Variants in NLGN4X observed in about 807,000 individuals in gnomAD.
NLGN4X encodes neuroligin-4, X-linked.
A neutral mutation model predicts 40.3 loss-of-function variants in NLGN4X; 3 were observed. The ratio of observed to expected loss-of-function variants is 0.07; its 90% confidence interval spans 0.03 to 0.19. The LOEUF (loss-of-function observed/expected upper bound fraction) is 0.19, where lower values mean the gene tolerates loss of function less well. Ranked by LOEUF, NLGN4X falls within the 10% of genes least tolerant of loss-of-function variation. The pLI, the probability that NLGN4X is intolerant of heterozygous loss-of-function variation, is 1.00. For missense variants in NLGN4X, 382 were observed against 708.3 expected (o/e 0.54, Z 5.23); for synonymous variants, 270 against 306.8 (o/e 0.88, Z 1.25).
intron 2 of NLGN4X, among the ~76,000 whole-genome samples, chrX:6,111,129 A>G (rs2039139177): frequency 8.9e-6 from 1 of 112,226 alleles, no homozygotes; most frequent in Non-Finnish European, 1.9e-5. Context: ...TATTTCAGTG[A>G]AAGTAAAAAT....
At chrX:6,193,665 G>C (rs1209079192) in intron 1 of NLGN4X, among the ~76,000 whole-genome samples, 1 of 111,175 alleles carries the variant, frequency 9.0e-6, no homozygotes, top group African/African-American at 3.3e-5. Flanking sequence ...TAGTCTAGTG[G>C]GAGCACCTAC....
intron 3 of NLGN4X, among the ~76,000 whole-genome samples, chrX:5,971,108 T>C (rs1046286882): frequency 8.0e-5 from 9 of 112,302 alleles, no homozygotes; most frequent in African/African-American, 2.6e-4. Context: ...CTAATAATTA[T>C]TGGAAATACA....
intron 1 of NLGN4X, among the ~76,000 whole-genome samples, chrX:6,174,361 T>G (rs1032836152): frequency 8.9e-6 from 1 of 112,082 alleles, no homozygotes; most frequent in African/African-American, 3.2e-5. Flanking sequence ...CTGTGGAAAG[T>G]AGTTTGGAGA....
chrX:5,964,863 G>C (rs754281803), intron 3 of NLGN4X, among the ~76,000 whole-genome samples: 1 of 112,211 alleles, frequency 8.9e-6, no homozygotes, highest in East Asian at 2.8e-4. Context: ...AGATACAAGA[G>C]ATAGCTCCTA....
chrX:6,227,944 T>C (rs1399867486), intron 1 of NLGN4X: 1 of 87,501 alleles, frequency 1.1e-5, no homozygotes, highest in Non-Finnish European at 2.2e-5. Flanking sequence ...AGCTGACAGT[T>C]TTCTTAAAGA....
intron 3 of NLGN4X, among the ~76,000 whole-genome samples, chrX:5,944,406 G>C (rs1208303468): frequency 4.5e-5 from 5 of 110,446 alleles, no homozygotes; most frequent in African/African-American, 1.7e-4. Context: ...CAGCACTTTG[G>C]GAAGTCAAGG....
chrX:6,078,920 T>G (rs1331897776), intron 2 of NLGN4X, among the ~76,000 whole-genome samples: 2 of 111,354 alleles, frequency 1.8e-5, no homozygotes, highest in African/African-American at 6.6e-5. Context: ...GTTCTCATGA[T>G]AGCGAGTGAG....
chrX:6,214,632 G>A (rs745837553), intron 1 of NLGN4X, among the ~76,000 whole-genome samples: 176 of 111,428 alleles, frequency 1.6e-3, no homozygotes, highest in Non-Finnish European at 2.8e-3. Flanking sequence ...GCGGTGGCTC[G>A]CACCAGTAAT....
intron 1 of NLGN4X, among the ~76,000 whole-genome samples, chrX:6,156,180 A>G (rs1332757493): frequency 2.7e-5 from 3 of 112,417 alleles, no homozygotes; most frequent in African/African-American, 9.7e-5. Context: ...AATAAAGAAA[A>G]TGTGATGCGT....
chrX:6,156,378 G>A (rs760481128), intron 1 of NLGN4X, among the ~76,000 whole-genome samples: 78 of 110,808 alleles, frequency 7.0e-4, no homozygotes, highest in African/African-American at 2.4e-3. Flanking sequence ...GCGTGGTGGC[G>A]GGCACCTGTA....
chrX:6,071,921 G>A lies in NLGN4X; in HGVS notation c.473-42489C>T, dbSNP rs1026775963. On this transcript the variant is annotated intron_variant, in intron 2 of 5. Transcript: ENST00000381095. Reference sequence around the variant, plus strand: ...TAAATTCAGTGCCATGGAGTGCTACGACTACAGGTGTCAGCCACCATGCCC... The same window carrying A: ...TAAATTCAGTGCCATGGAGTGCTACAACTACAGGTGTCAGCCACCATGCCC... Among the ~76,000 whole-genome samples the A allele has an allele frequency of 3.6e-5, 4 of 111,001 alleles. No individual in the cohort carries two copies. In the East Asian group the frequency reaches 8.6e-4, roughly 24 times the overall value.
At chrX:6,030,643 G>A (rs1222417537) in intron 2 of NLGN4X, among the ~76,000 whole-genome samples, 1 of 110,610 alleles carries the variant, frequency 9.0e-6, no homozygotes, top group African/African-American at 3.3e-5. Context: ...CAGAAGACAC[G>A]ACATACCCAT....
chrX:6,013,097 AC>A (rs1444601447), intron 3 of NLGN4X, among the ~76,000 whole-genome samples: 1 of 111,545 alleles, frequency 9.0e-6, no homozygotes, highest in Non-Finnish European at 1.9e-5. Flanking sequence ...AAAAAATTCT[AC>A]CGTAGAGCTC....
chrX:6,165,419 C>A (rs2040476620), intron 1 of NLGN4X, among the ~76,000 whole-genome samples: 1 of 111,843 alleles, frequency 8.9e-6, no homozygotes. Flanking sequence ...TCAAAGGCAA[C>A]TATCTCCTAA....
chrX:5,892,928 G>A lies in NLGN4X; in HGVS notation c.2340C>T (p.Thr780=), dbSNP rs750889869. The A allele has an allele frequency of 8.3e-6, 10 of 1,209,444 alleles. No individual in the cohort carries two copies. The highest frequency in any genetic ancestry group is 1.1e-5 in the Non-Finnish European group (10 of 895,184). Residue 780 remains threonine, a synonymous_variant, in exon 6 of 6, where the codon ACC becomes ACT. Transcript: ENST00000381095. ...TCCCCGTCAGTGTGTTTGGAATCAT[G>A]GTGATGGTGTTTGGCGTCATAAGTG... ...DIPLMTPNTI[T]MIPNTLTGMQ...
At chrX:6,009,980 G>C (rs770083144) in intron 3 of NLGN4X, among the ~76,000 whole-genome samples, 5 of 112,069 alleles carry the variant, frequency 4.5e-5, no homozygotes, top group Non-Finnish European at 9.4e-5. Context: ...ATTTGAATTT[G>C]AGACTCAATT....
chrX:6,180,854 A>G (rs1209623588), intron 1 of NLGN4X, among the ~76,000 whole-genome samples: 1 of 111,036 alleles, frequency 9.0e-6, no homozygotes, highest in African/African-American at 3.3e-5. Flanking sequence ...TTATTTTCAA[A>G]GCATTACCCT....
At chrX:6,196,860 C>G (rs1923139464) in intron 1 of NLGN4X, among the ~76,000 whole-genome samples, 1 of 111,716 alleles carries the variant, frequency 9.0e-6, no homozygotes, top group Admixed American at 9.5e-5. Flanking sequence ...GGGGTACTCA[C>G]AACACAGCAT....
intron 2 of NLGN4X, among the ~76,000 whole-genome samples, chrX:6,049,747 C>A (rs1771291133): frequency 1.6e-5 from 1 of 61,751 alleles, no homozygotes; most frequent in Non-Finnish European, 3.3e-5. Flanking sequence ...GGGGGGCGGT[C>A]ACAAAATACC....
Sources: gnomAD v4.1 joint callset for allele counts (sites outside exome capture counted in the v4.1 genomes callset) on GRCh38, gnomAD v4.1.1 for gene constraint, MANE v1.5 for transcripts, NCBI Gene and HGNC (gene_info 2026-07-23, HGNC 2026-07-21) for gene names.